The following ADAMTS16 variants were observed in gnomAD, a reference collection of about 807,000 sequenced individuals.
The protein encoded by ADAMTS16 is ADAM metallopeptidase with thrombospondin type 1 motif 16.
Under a neutral mutation model 145.8 loss-of-function variants are expected in ADAMTS16, and 94 were observed. The ratio of observed to expected loss-of-function variants is 0.64; its 90% CI spans 0.55 to 0.77. The LOEUF (loss-of-function observed/expected upper bound fraction) is 0.77, where lower values mean the gene tolerates loss of function less well. Ranked by LOEUF, ADAMTS16 falls within the 30% of genes least tolerant of loss-of-function variation. The pLI, the probability that ADAMTS16 is intolerant of heterozygous loss-of-function variation, is 0.00. For missense variants in ADAMTS16, 1,585 were observed against 1,591.5 expected (o/e 1.00, Z 0.07); for synonymous variants, 659 against 604.3 (o/e 1.09, Z -1.33).
At chr5:5,267,579 A>G (rs936100440) in intron 18 of ADAMTS16, among the ~76,000 whole-genome samples, 8 of 152,102 alleles carry the variant, frequency 5.3e-5, no homozygotes, top group Non-Finnish European at 7.4e-5. Flanking sequence ...GGTGCCTGTC[A>G]GCGTGCCCCT....
intron 18 of ADAMTS16, among the ~76,000 whole-genome samples, chr5:5,302,404 TA>T (rs1739821302): frequency 6.6e-6 from 1 of 152,118 alleles, no homozygotes. Context: ...ACTTACGCAA[TA>T]ATCATACGAG....
rs189551408 is a variant in ADAMTS16, at chr5:5,263,113, G to C, written c.2789+330G>C. 2.0e-5 allele frequency among the ~76,000 whole-genome samples: 3 copies of C among 152,360 alleles called. No individual in the cohort carries two copies. In the East Asian group the frequency reaches 5.8e-4, roughly 29 times the overall value. ...ATTCTCTCTGCTGTCCTGTCCACTA[G>C]TGTGTGCTTTTCTTGCTGAATGAAA... On this transcript the variant is annotated intron_variant, in intron 18 of 22. Transcript: ENST00000274181.
At chr5:5,261,489 CTTTT>C (rs10719029) in intron 17 of ADAMTS16, among the ~76,000 whole-genome samples, 3 of 105,508 alleles carry the variant, frequency 2.8e-5, no homozygotes, top group Non-Finnish European at 2.0e-5. Context: ...GTTATAGCCT[CTTTT>C]TTTTTTTTTT....
chr5:5,239,600 AC>A, intron 15 of ADAMTS16, 80 bp from the exon 16 acceptor site: 1 of 1,561,326 alleles, frequency 6.4e-7, no homozygotes, highest in Non-Finnish European at 8.7e-7. Context: ...GGTTTTGTTT[AC>A]CGAGGACTGG....
intron 8 of ADAMTS16, among the ~76,000 whole-genome samples, chr5:5,196,890 C>T (rs1735821525): frequency 6.6e-6 from 1 of 152,194 alleles, no homozygotes; most frequent in Non-Finnish European, 1.5e-5. Flanking sequence ...TTGTGAATGA[C>T]AGAGCCAAGA....
chr5:5,264,617 G>A (rs1262607716), intron 18 of ADAMTS16, among the ~76,000 whole-genome samples: 1 of 152,062 alleles, frequency 6.6e-6, no homozygotes, highest in Admixed American at 6.6e-5. Flanking sequence ...GAAGGGCCAG[G>A]ACCCCTCTTG....
At chr5:5,272,498 A>T (rs1311783799) in intron 18 of ADAMTS16, among the ~76,000 whole-genome samples, 2 of 149,066 alleles carry the variant, frequency 1.3e-5, no homozygotes, top group Non-Finnish European at 3.0e-5. Flanking sequence ...AGTAGCTGGG[A>T]CTACAGGCAC....
chr5:5,199,242 C>T (rs1375787138), intron 8 of ADAMTS16, among the ~76,000 whole-genome samples: 1 of 152,120 alleles, frequency 6.6e-6, no homozygotes, highest in East Asian at 1.9e-4. Flanking sequence ...CTCACAGGTG[C>T]ACGGCTCCAT....
At chr5:5,148,588 AT>A (rs1303769260) in intron 3 of ADAMTS16, among the ~76,000 whole-genome samples, 2 of 152,204 alleles carry the variant, frequency 1.3e-5, no homozygotes, top group Admixed American at 6.5e-5. Context: ...ATTTGGAAGG[AT>A]TTTGCTGTTG....
intron 8 of ADAMTS16, among the ~76,000 whole-genome samples, chr5:5,194,420 AC>A (rs1735745240): frequency 6.6e-6 from 1 of 152,168 alleles, no homozygotes; most frequent in South Asian, 2.1e-4. Context: ...TACAGCTCAA[AC>A]CATGGAAACC....
intron 10 of ADAMTS16, among the ~76,000 whole-genome samples, chr5:5,213,068 A>G (rs1349634506): frequency 6.6e-6 from 1 of 152,212 alleles, no homozygotes; most frequent in African/African-American, 2.4e-5. Context: ...AAATAAATCC[A>G]TGCATCCCTC....
At chr5:5,215,578 A>T (rs1306009644) in intron 10 of ADAMTS16, among the ~76,000 whole-genome samples, 1 of 151,844 alleles carries the variant, frequency 6.6e-6, no homozygotes, top group Admixed American at 6.6e-5. Context: ...CAGTGAGAAC[A>T]TACAATATTT....
intron 17 of ADAMTS16, among the ~76,000 whole-genome samples, chr5:5,254,532 C>T (rs1314871018): frequency 2.0e-5 from 3 of 152,064 alleles, no homozygotes; most frequent in Non-Finnish European, 1.5e-5. Flanking sequence ...CACACAAACT[C>T]ATACAAATAT....
intron 18 of ADAMTS16, among the ~76,000 whole-genome samples, chr5:5,272,134 G>T (rs1738504620): frequency 6.6e-6 from 1 of 152,132 alleles, no homozygotes; most frequent in African/African-American, 2.4e-5. Flanking sequence ...GGAATGAAAA[G>T]AAATCTGGTT....
In ADAMTS16 at chr5:5,239,166, A is replaced by G. The variant is rs758852801; in HGVS notation, c.2170A>G (p.Asn724Asp). ...GGCCCTCCAGAGAGTTGGATGTGACAATGTCCTTGGATCTGATGCTGTTGA... is the reference window on the plus strand; with the variant it reads ...GGCCCTCCAGAGAGTTGGATGTGACGATGTCCTTGGATCTGATGCTGTTGA... ...DGICERVGCD[N>D]VLGSDAVEDV... is the part of the protein sequence containing the mutation. Residue 724 changes from asparagine (N) to aspartate (D), a missense_variant, in exon 15 of 23, where the codon AAT becomes GAT. Physicochemically the swap from Asn to Asp is conservative, Grantham distance 23. Around this residue, in one of 3 missense-constraint regions of ADAMTS16, gnomAD observed 834 missense variants for 811.7 expected, o/e 1.03. Coordinates refer to ENST00000274181, the MANE Select transcript of ADAMTS16 (RefSeq NM_139056.4). 3.8e-6 allele frequency: 6 copies of G among 1,567,682 alleles called. No homozygotes were observed. In the African/African-American group the frequency reaches 6.9e-5, roughly 18 times the overall value.
chr5:5,215,778 A>G (rs866381023), intron 10 of ADAMTS16, among the ~76,000 whole-genome samples: 1 of 119,612 alleles, frequency 8.4e-6, no homozygotes, highest in African/African-American at 3.6e-5. Flanking sequence ...GTATATATAT[A>G]TGGTATATAT....
Position 5,224,960 on chromosome 5 carries a change from T to A in ADAMTS16, c.1701+2076T>A, listed in dbSNP as rs970469874. ...ATTTATCTCAAAGGCACCATTAAAT[T>A]GATTTCCATTGATATTTGACATTAT... On this transcript the variant is annotated intron_variant, in intron 11 of 22. Transcript: ENST00000274181. 2.0e-5 allele frequency among the ~76,000 whole-genome samples: 3 copies of A among 152,144 alleles called. No individual in the cohort carries two copies. The East Asian group carries it at 5.8e-4, about 29-fold the overall frequency.
At chr5:5,297,216 G>A (rs1005576798) in intron 18 of ADAMTS16, among the ~76,000 whole-genome samples, 11 of 152,148 alleles carry the variant, frequency 7.2e-5, no homozygotes, top group Non-Finnish European at 2.9e-5. Flanking sequence ...CTTTACCCAC[G>A]AGACAGAGGT....
chr5:5,296,489 G>A (rs879606980), intron 18 of ADAMTS16, among the ~76,000 whole-genome samples: 1 of 152,170 alleles, frequency 6.6e-6, no homozygotes, highest in Non-Finnish European at 1.5e-5. Context: ...CCACAAAGGG[G>A]AAGGGAGGGT....
Sources: gnomAD v4.1 joint callset for allele counts (sites outside exome capture counted in the v4.1 genomes callset) on GRCh38, gnomAD v4.1.1 for gene constraint, gnomAD v4.1.1 regional missense constraint, MANE v1.5 for transcripts, NCBI Gene and HGNC (gene_info 2026-07-23, HGNC 2026-07-21) for gene names.